Variants in RTF2 observed in about 807,000 individuals in gnomAD.
RTF2 encodes UPF0549 protein C20orf43.
In RTF2, 18 loss-of-function variants were observed where a neutral mutation model predicts 38.0. That is an observed-to-expected ratio of 0.47 (90% CI 0.33 to 0.70). RTF2 has a LOEUF of 0.70. Ranked by LOEUF, RTF2 falls within the 30% of genes least tolerant of loss-of-function variation. RTF2 has a pLI of 0.02. For missense variants in RTF2, 311 were observed against 379.6 expected, an observed-to-expected ratio of 0.82 and a Z score of 1.50; for synonymous variants, 126 against 137.1, an observed-to-expected ratio of 0.92 and a Z score of 0.57.
At chr20:56,471,903 A>C (rs893052520) in intron 1 of RTF2, among the ~76,000 whole-genome samples, 2 of 152,252 alleles carry the variant, frequency 1.3e-5, no homozygotes, top group Non-Finnish European at 2.9e-5. Flanking sequence ...GCACACAGTA[A>C]GCACTTAAGC....
intron 5 of RTF2, among the ~76,000 whole-genome samples, chr20:56,492,346 G>A (rs775316055): frequency 1.6e-4 from 24 of 150,828 alleles, no homozygotes; most frequent in Admixed American, 5.9e-4. Context: ...CCAAAGTGCT[G>A]GGATTACAGG....
At chr20:56,495,040 G>GT (rs1163038971) in intron 5 of RTF2, among the ~76,000 whole-genome samples, 2 of 152,204 alleles carry the variant, frequency 1.3e-5, no homozygotes, top group East Asian at 3.9e-4. Flanking sequence ...TATATAAAAA[G>GT]TTTTTTTAAA....
intron 5 of RTF2, among the ~76,000 whole-genome samples, chr20:56,484,679 C>T (rs1042033591): frequency 3.9e-5 from 6 of 152,218 alleles, no homozygotes; most frequent in African/African-American, 1.4e-4. Flanking sequence ...CTCCAGAGCA[C>T]GTAGCGTGCC....
rs1019990230 is a variant in RTF2 at position 56,516,565 on chromosome 20, A to G, written c.592-370A>G. ...CTGGCTGGACTTCACATACCCATAT[A>G]TACTCTGTGTTACTCATTTAAGTGC... On this transcript the variant is annotated intron_variant, in intron 6 of 8. Coordinates refer to ENST00000357348, the MANE Select transcript of RTF2 (RefSeq NM_016407.5). The G allele has an allele frequency of 2.2e-5, 6 of 268,462 alleles. No individual in the cohort carries two copies. The Admixed American group carries it at 2.9e-4, about 13-fold the overall frequency. 16.6% of individuals were successfully genotyped at this position (268,462 alleles called of 1,614,324 possible).
chr20:56,470,620 G>A (rs1236757280), intron 1 of RTF2: 1 of 456,032 alleles, frequency 2.2e-6, no homozygotes, highest in Non-Finnish European at 4.4e-6. Flanking sequence ...GTGGGCTCCT[G>A]GATGGGGCCT....
rs200420729 is a variant in RTF2 at position 56,495,253 on chromosome 20, G to A, written c.477+11064G>A. The A allele has an allele frequency of 6.6e-5, 102 of 1,549,404 alleles. No individual in the cohort carries two copies. In the South Asian group the frequency reaches 1.0e-3, roughly 16 times the overall value. ...TCCTCACTTTTCCGCTTAATGGCTC[G>A]AACATTTCCTTCCCAGCCAGCGTTT... On this transcript the variant is annotated intron_variant, in intron 5 of 8. Coordinates refer to ENST00000357348, the MANE Select transcript of RTF2 (RefSeq NM_016407.5).
intron 5 of RTF2, among the ~76,000 whole-genome samples, chr20:56,512,998 T>C (rs1984782681): frequency 6.6e-6 from 1 of 152,114 alleles, no homozygotes; most frequent in Admixed American, 6.6e-5. Flanking sequence ...ATAGACCACG[T>C]TGTTCATACA....
intron 1 of RTF2, chr20:56,470,787 T>C (rs6014740): frequency 0.38 from 152,263 of 402,156 alleles, 30,148 homozygotes; most frequent in East Asian, 0.64. Flanking sequence ...AGTTGAGGGT[T>C]TGGAGATTTT....
chr20:56,496,874 A>G, intron 5 of RTF2: 1 of 1,551,686 alleles, frequency 6.4e-7, no homozygotes, highest in Non-Finnish European at 8.7e-7. Context: ...GATGACTTTG[A>G]CTTGTCTTGG....
intron 5 of RTF2, among the ~76,000 whole-genome samples, chr20:56,490,607 G>A (rs1983059597): frequency 1.3e-5 from 2 of 152,246 alleles, no homozygotes; most frequent in Non-Finnish European, 2.9e-5. Flanking sequence ...CTGAGGTCGG[G>A]AGTTCGAGAT....
In RTF2 at chr20:56,516,855, C is replaced by G. The variant is rs554735673; in HGVS notation, c.592-80C>G. The G allele has an allele frequency of 1.3e-5, 18 of 1,360,516 alleles. No homozygotes were observed. The African/African-American group carries it at 2.4e-4, about 18-fold the overall frequency. The allele number at this position is 1,360,516 out of a possible 1,614,324, so 84.3% of individuals were successfully genotyped here. A position where few individuals can be genotyped will look rare whatever the true frequency, so the allele number is the denominator to read the frequency against. On this transcript the variant is annotated intron_variant, in intron 6 of 8. Transcript: ENST00000357348. ...AGCATCGGTCAGTCAGACAGGGCACCCGGGACAATGGGCAGCCACACTGAC... is the reference window on the plus strand; with the variant it reads ...AGCATCGGTCAGTCAGACAGGGCACGCGGGACAATGGGCAGCCACACTGAC...
intron 4 of RTF2, among the ~76,000 whole-genome samples, chr20:56,481,427 T>G (rs141195190): frequency 2.0e-5 from 3 of 152,340 alleles, no homozygotes; most frequent in African/African-American, 7.2e-5. Context: ...GAAGTACAGT[T>G]TAGGGTCCAA....
At chr20:56,496,324 G>C (rs1034687541) in intron 5 of RTF2, among the ~76,000 whole-genome samples, 3 of 152,158 alleles carry the variant, frequency 2.0e-5, no homozygotes, top group African/African-American at 7.2e-5. Context: ...GAGGCAGGCG[G>C]ATCACCTGAG....
intron 5 of RTF2, among the ~76,000 whole-genome samples, chr20:56,505,061 G>A (rs1984176889): frequency 1.3e-5 from 2 of 152,206 alleles, no homozygotes; most frequent in South Asian, 4.1e-4. Flanking sequence ...TTCAGAGTCC[G>A]TGAGTTAAGG....
intron 4 of RTF2, among the ~76,000 whole-genome samples, chr20:56,478,202 C>T (rs1054739760): frequency 6.6e-6 from 1 of 152,136 alleles, no homozygotes; most frequent in African/African-American, 2.4e-5. Context: ...ATAAAAGTTG[C>T]CTTTAGCAGC....
In RTF2 at chr20:56,468,675, C is replaced by T. The variant is rs1402169905; in HGVS notation, c.-23C>T. The T allele has an allele frequency of 4.5e-6, 7 of 1,560,976 alleles. No individual in the cohort carries two copies. Among genetic ancestry groups the T allele is most frequent in the Non-Finnish European group, 6.1e-6 (7 of 1,152,370 alleles). ...AAGTGACAGCTTTGGGGGTTTGCTG[C>T]TGGCTCTGACTCCCGTCCTGCGATG... On this transcript the variant is annotated 5_prime_UTR_variant, in exon 1 of 9. Coordinates refer to ENST00000357348, the MANE Select transcript of RTF2 (RefSeq NM_016407.5).
intron 5 of RTF2, among the ~76,000 whole-genome samples, chr20:56,500,918 A>G (rs1322245895): frequency 6.6e-6 from 1 of 152,146 alleles, no homozygotes; most frequent in Non-Finnish European, 1.5e-5. Context: ...AGCAGCTGGG[A>G]CTACAGGCAT....
At chr20:56,501,324 A>T (rs1037120843) in intron 5 of RTF2, among the ~76,000 whole-genome samples, 1 of 152,150 alleles carries the variant, frequency 6.6e-6, no homozygotes, top group Non-Finnish European at 1.5e-5. Flanking sequence ...AGCTATTTTA[A>T]TGAAAAAATA....
chr20:56,514,935 T>C (rs1984924731), intron 6 of RTF2, among the ~76,000 whole-genome samples: 1 of 151,780 alleles, frequency 6.6e-6, no homozygotes, highest in South Asian at 2.1e-4. Context: ...TAATGCCAGC[T>C]ACTGGGGAGA....
Sources: allele counts gnomAD v4.1 joint callset (sites outside exome capture counted in the v4.1 genomes callset), GRCh38; gene constraint gnomAD v4.1.1; transcripts MANE v1.5; gene names NCBI Gene and HGNC (gene_info 2026-07-23, HGNC 2026-07-21).